Variants in SHOX observed in about 807,000 individuals in gnomAD.
SHOX encodes the protein short stature homeobox protein.
In SHOX, 12 loss-of-function variants were observed where a neutral mutation model predicts 29.6. The ratio of observed to expected loss-of-function variants is 0.41; its 90% CI spans 0.26 to 0.66. SHOX has a LOEUF of 0.66. SHOX is among the 30% of genes least tolerant of loss of function. SHOX has a pLI of 0.35. For missense variants in SHOX, 499 were observed against 437.7 expected (o/e 1.14, Z -1.25); for synonymous variants, 214 against 200.6 (o/e 1.07, Z -0.57).
Position 644,614 on chromosome X carries a change from A to ACGCGGAGGCCCTGGGGCTCTGACCCGC in SHOX, c.862_*9dup, listed in dbSNP as rs1175303362. ...GACCTGCGGCTCAAGGCGCGGAAGC[A>ACGCGGAGGCCCTGGGGCTCTGACCCGC]CGCGGAGGCCCTGGGGCTCTGACCC... is the stretch of plus-strand genomic sequence containing the variant. On this transcript the variant is annotated stop_gained and inframe_insertion, in exon 5 of 5. Coordinates refer to ENST00000686671, the MANE Select transcript of SHOX (RefSeq NM_000451.4). LOFTEE classifies it high-confidence loss of function. The ACGCGGAGGCCCTGGGGCTCTGACCCGC allele has an allele frequency of 5.3e-6, 8 of 1,507,148 alleles. No homozygotes were observed. The highest frequency in any genetic ancestry group is 7.0e-6 in the Non-Finnish European group (8 of 1,135,044). The allele number at this position is 1,507,148 out of a possible 1,614,324, so 93.4% of individuals were successfully genotyped here. A position where few individuals can be genotyped will look rare whatever the true frequency, so the allele number is the denominator to read the frequency against.
chrX:652,795 G>C, downstream of SHOX, among the ~76,000 whole-genome samples: 1 of 152,302 alleles, frequency 6.6e-6, no homozygotes, highest in East Asian at 1.9e-4. Flanking sequence ...CAGCCTGTGT[G>C]TGTCTTGCCG....
chrX:627,420 T>G (rs1307880776), upstream of SHOX, among the ~76,000 whole-genome samples: 14 of 152,076 alleles, frequency 9.2e-5, no homozygotes, highest in Admixed American at 5.9e-4. Flanking sequence ...GGGAAAGGTC[T>G]TTAGGTGAGA....
upstream of SHOX, among the ~76,000 whole-genome samples, chrX:629,575 G>C (rs1336085681): frequency 1.3e-5 from 2 of 151,044 alleles, no homozygotes; most frequent in Non-Finnish European, 2.9e-5. Flanking sequence ...GCCTCTCCCT[G>C]TCTGTCTCTC....
rs770142532 is a variant in SHOX, at chrX:651,405, AC to A, written c.*6770del. 7.6e-4 allele frequency: 327 copies of A among 429,072 alleles called. 9 individuals carry two copies. Among genetic ancestry groups the A allele is most frequent in the South Asian group, 3.8e-3 (242 of 63,364 alleles). The allele number at this position is 429,072 out of a possible 1,614,324, so 26.6% of individuals were successfully genotyped here. ...TGAGGGGTAGAAAAAAAACAAACAA[AC>A]AAACAGAAAAAAAAACCAAAAAAAA... On this transcript the variant is annotated 3_prime_UTR_variant, in exon 5 of 5. Transcript: ENST00000686671.
At position 645,026 on chromosome X, in the gene SHOX, C is replaced by T. The variant is rs1464428784; in HGVS notation, c.*390C>T. Reference sequence around the variant, plus strand: ...GAGTCTATTGAAACTGCAAAGATCCCGGAGCTGGTCTCCGATGAAAATGCC... The same window carrying T: ...GAGTCTATTGAAACTGCAAAGATCCTGGAGCTGGTCTCCGATGAAAATGCC... On this transcript the variant is annotated 3_prime_UTR_variant, in exon 5 of 5. Coordinates refer to ENST00000686671, the MANE Select transcript of SHOX (RefSeq NM_000451.4). The T allele has an allele frequency of 2.0e-5, 4 of 202,822 alleles. No individual in the cohort carries two copies. Among genetic ancestry groups the T allele is most frequent in the Non-Finnish European group, 2.9e-5 (3 of 101,854 alleles). The allele number at this position is 202,822 out of a possible 1,614,324, so 12.6% of individuals were successfully genotyped here.
chrX:644,297 GA>G, intron 4 of SHOX, 93 bp from the exon 5 acceptor site: 1 of 1,404,924 alleles, frequency 7.1e-7, no homozygotes. Flanking sequence ...CCCTAGGGGA[GA>G]AGAGGCACGT....
downstream of SHOX, among the ~76,000 whole-genome samples, chrX:651,690 G>C (rs1157698392): frequency 1.4e-5 from 2 of 146,454 alleles, no homozygotes; most frequent in Non-Finnish European, 3.0e-5. Flanking sequence ...GCTGAACACA[G>C]AGTGTTGTTC....
At chrX:654,824 A>C (rs1177202752), downstream of SHOX, among the ~76,000 whole-genome samples, 1 of 150,606 alleles carries the variant, frequency 6.6e-6, no homozygotes, top group East Asian at 2.0e-4. Context: ...AGCTGGGATT[A>C]CAGGTGCCCG....
chrX:631,186 T>G lies in SHOX; in HGVS notation c.277+12T>G, dbSNP rs762133403. On this transcript the variant is annotated intron_variant, in intron 1 of 4. Coordinates refer to ENST00000686671, the MANE Select transcript of SHOX (RefSeq NM_000451.4). ...GAGAGTGGCAGAAGGTAAGTTCCTTTGCGCTCCGGCTCCAGGGGGGCCCTC... is the reference window on the plus strand; with the variant it reads ...GAGAGTGGCAGAAGGTAAGTTCCTTGGCGCTCCGGCTCCAGGGGGGCCCTC... 1.9e-6 allele frequency: 3 copies of G among 1,612,146 alleles called. No individual in the cohort carries two copies.
chrX:644,846 G>A lies in SHOX; in HGVS notation c.*210G>A. 1.6e-6 allele frequency: 1 copy of A among 645,012 alleles called. No individual in the cohort carries two copies. Among genetic ancestry groups the A allele is most frequent in the Non-Finnish European group, 2.3e-6 (1 of 429,552 alleles). The allele number at this position is 645,012 out of a possible 1,614,324, so 40.0% of individuals were successfully genotyped here. A position where few individuals can be genotyped will look rare whatever the true frequency, so the allele number is the denominator to read the frequency against. ...GACCCTCGCGGAGATGGTGCAGAAG[G>A]CGGAGCGGGTGAGCGGCCGTGCGTC... On this transcript the variant is annotated 3_prime_UTR_variant, in exon 5 of 5. Coordinates refer to ENST00000686671, the MANE Select transcript of SHOX (RefSeq NM_000451.4).
intron 4 of SHOX, 59 bp downstream of exon 4, chrX:641,146 C>G (rs1018996343): frequency 7.2e-5 from 108 of 1,504,940 alleles, no homozygotes; most frequent in Non-Finnish European, 3.6e-5. Context: ...CTTCCCCTTT[C>G]CCCTATTTGC....
chrX:628,057 T>G (rs1420943088), upstream of SHOX, among the ~76,000 whole-genome samples: 1 of 152,034 alleles, frequency 6.6e-6, no homozygotes, highest in Non-Finnish European at 1.5e-5. Context: ...TCTGTCTGTC[T>G]CTGCCTCTCT....
intron 1 of SHOX, chrX:631,973 A>C (rs1241922905): frequency 2.2e-6 from 1 of 455,906 alleles, no homozygotes. Flanking sequence ...TCACGGGAAG[A>C]CTCGAGGCTG....
At chrX:636,769 T>A (rs868736467) in intron 2 of SHOX, among the ~76,000 whole-genome samples, 11 of 132,064 alleles carry the variant, frequency 8.3e-5, no homozygotes, top group African/African-American at 2.7e-4. Flanking sequence ...ATATATATAT[T>A]AACATATATA....
At chrX:651,794 C>T (rs1221694714), downstream of SHOX, among the ~76,000 whole-genome samples, 2 of 152,032 alleles carry the variant, frequency 1.3e-5, no homozygotes, top group Non-Finnish European at 2.9e-5. Context: ...CATCCCCTTC[C>T]TTTACTGAAA....
rs760264969 is a variant in SHOX at position 644,398 on chromosome X, C to T, written c.641C>T (p.Ala214Val). The change falls in exon 5 of 5, where the codon GCT becomes GTT. Residue 214 changes from alanine (A) to valine (V), a missense_variant. Physicochemically the swap from Ala to Val is moderately conservative, Grantham distance 64 (BLOSUM62 0). Transcript: ENST00000686671. ...ALRMPFQQVQ[A>V]QLQLEGVAHA... ...CCGGGTCCGCTCCCGCAGGTCCAGG[C>T]TCAGCTGCAGCTGGAAGGCGTGGCC... 4.6e-6 allele frequency: 7 copies of T among 1,522,842 alleles called. No individual in the cohort carries two copies. The South Asian group carries it at 6.1e-5, about 13-fold the overall frequency. 94.3% of individuals were successfully genotyped at this position (1,522,842 alleles called of 1,614,324 possible).
rs1345910284 is a variant in SHOX, at chrX:646,546, AAAC to A, written c.*1914_*1916del. On this transcript the variant is annotated 3_prime_UTR_variant, in exon 5 of 5. Coordinates refer to ENST00000686671, the MANE Select transcript of SHOX (RefSeq NM_000451.4). ...TGAGGTGGGGATAAAAGAAAAAAAA[AAAC>A]AACTTCTTTTTTTCTTCCGCATAAC... is the stretch of plus-strand genomic sequence containing the variant. The A allele has an allele frequency of 2.0e-5, 3 of 152,004 alleles. No homozygotes were observed. The highest frequency in any genetic ancestry group is 6.6e-5 in the Admixed American group (1 of 15,246). The allele number at this position is 152,004 out of a possible 1,614,324, so 9.4% of individuals were successfully genotyped here.
downstream of SHOX, among the ~76,000 whole-genome samples, chrX:652,181 C>T (rs1416926408): frequency 2.6e-5 from 4 of 152,048 alleles, no homozygotes; most frequent in South Asian, 2.1e-4. Flanking sequence ...CGTCTGGGCC[C>T]GGCCGGTGAT....
rs751030724 is a variant in SHOX at position 625,516 on chromosome X, T to C, written c.-433+914T>C. Among the ~76,000 whole-genome samples, 4 of 152,060 alleles carry C rather than the reference T, an allele frequency of 2.6e-5. No homozygotes were observed. In the South Asian group the frequency reaches 8.3e-4, roughly 32 times the overall value. The stretch of plus-strand genomic sequence containing the variant: ...TCCCCTGTCTGTCGCTATTTTTCTC[T>C]GTCTATCTCTGTATCTCTGTCTCTC... On this transcript the variant is annotated intron_variant, in intron 1 of 5. Coordinates refer to the SHOX transcript ENST00000334060.
Sources: allele counts gnomAD v4.1 joint callset (sites outside exome capture counted in the v4.1 genomes callset), GRCh38; gene constraint gnomAD v4.1.1; transcripts MANE v1.5; gene names NCBI Gene and HGNC (gene_info 2026-07-23, HGNC 2026-07-21).